The following HS3ST5 variants were observed in gnomAD, a reference collection of about 807,000 sequenced individuals.
HS3ST5 encodes heparan sulfate glucosamine 3-O-sulfotransferase 5.
A neutral mutation model predicts 25.4 loss-of-function variants in HS3ST5; 10 were observed. That is an observed-to-expected ratio of 0.39 (90% CI 0.24 to 0.67). HS3ST5 has a LOEUF of 0.67. HS3ST5 is among the 30% of genes least tolerant of loss of function. The pLI is 0.44. For missense variants in HS3ST5, 324 were observed against 420.7 expected (o/e 0.77, Z 2.01); for synonymous variants, 170 against 162.4 (o/e 1.05, Z -0.36).
At chr6:114,285,493 T>A (rs1370070237) in intron 1 of HS3ST5, among the ~76,000 whole-genome samples, 1 of 152,062 alleles carries the variant, frequency 6.6e-6, no homozygotes, top group Non-Finnish European at 1.5e-5. Flanking sequence ...CTATGCAGCC[T>A]TAAAAATGAA....
intron 1 of HS3ST5, among the ~76,000 whole-genome samples, chr6:114,287,917 T>C (rs1469156899): frequency 6.6e-6 from 1 of 152,118 alleles, no homozygotes; most frequent in Non-Finnish European, 1.5e-5. Flanking sequence ...TCTTATCTTC[T>C]ACCACCTAGA....
chr6:114,194,201 G>C (rs1195445332), intron 2 of HS3ST5, among the ~76,000 whole-genome samples: 2 of 151,914 alleles, frequency 1.3e-5, no homozygotes, highest in East Asian at 3.8e-4. Flanking sequence ...GACTAAATCT[G>C]GGCATTTGGA....
intron 1 of HS3ST5, among the ~76,000 whole-genome samples, chr6:114,311,437 A>G (rs1775526335): frequency 6.6e-6 from 1 of 152,140 alleles, no homozygotes; most frequent in Non-Finnish European, 1.5e-5. Context: ...AACTTTTACA[A>G]ACAAACATAT....
chr6:114,195,582 A>C (rs1353133646), intron 2 of HS3ST5, among the ~76,000 whole-genome samples: 1 of 152,218 alleles, frequency 6.6e-6, no homozygotes, highest in African/African-American at 2.4e-5. Flanking sequence ...CTGTGGGCTC[A>C]TGGCCTCTGG....
chr6:114,284,760 A>C (rs914707581), intron 1 of HS3ST5, among the ~76,000 whole-genome samples: 6 of 151,994 alleles, frequency 3.9e-5, no homozygotes, highest in African/African-American at 1.4e-4. Flanking sequence ...GCTCCTTATA[A>C]CACACACATG....
At position 114,313,924 on chromosome 6, in the gene HS3ST5, TTTTGTTTG is replaced by T. The variant is rs142229669; in HGVS notation, c.-339+28263_-339+28270del. ...ACTAGATTGTTGGATCTAACCCCCA[TTTTGTTTG>T]TTTGTTTGTTTAAGACAGAGTCTCA... On this transcript the variant is annotated intron_variant, in intron 1 of 4. Transcript: ENST00000312719. Among the ~76,000 whole-genome samples the T allele has an allele frequency of 1.3e-4, 20 of 151,696 alleles. No individual in the cohort carries two copies. The South Asian group carries it at 4.0e-3, about 30-fold the overall frequency.
chr6:114,079,896 C>T (rs1156426429), intron 3 of HS3ST5, among the ~76,000 whole-genome samples: 1 of 152,164 alleles, frequency 6.6e-6, no homozygotes, highest in East Asian at 1.9e-4. Flanking sequence ...CTGCCTTAGC[C>T]TCCCAAATTC....
chr6:114,216,040 C>G (rs140623388), intron 2 of HS3ST5, among the ~76,000 whole-genome samples: 1 of 152,160 alleles, frequency 6.6e-6, no homozygotes, highest in African/African-American at 2.4e-5. Context: ...GACAATTGAA[C>G]TGGTATCTAT....
intron 3 of HS3ST5, among the ~76,000 whole-genome samples, chr6:114,139,737 G>C (rs1777813911): frequency 6.6e-6 from 1 of 152,166 alleles, no homozygotes; most frequent in Non-Finnish European, 1.5e-5. Context: ...TCAACTTGTG[G>C]AGCAGTATGT....
chr6:114,333,297 T>C (rs1582822928), intron 1 of HS3ST5, among the ~76,000 whole-genome samples: 1 of 152,182 alleles, frequency 6.6e-6, no homozygotes, highest in East Asian at 1.9e-4. Flanking sequence ...AAACTATTCT[T>C]AGTTTCTCAC....
intron 1 of HS3ST5, among the ~76,000 whole-genome samples, chr6:114,234,880 G>T (rs938286194): frequency 1.1e-4 from 16 of 152,034 alleles, no homozygotes; most frequent in African/African-American, 3.9e-4. Flanking sequence ...CAGGTGGGGT[G>T]GCTAAACTGA....
intron 1 of HS3ST5, among the ~76,000 whole-genome samples, chr6:114,255,473 C>T (rs1436986412): frequency 1.3e-5 from 2 of 152,140 alleles, no homozygotes; most frequent in Non-Finnish European, 2.9e-5. Context: ...GATGGTGGCC[C>T]TCTTCTCACA....
chr6:114,313,023 C>CAAA (rs1349214316), intron 1 of HS3ST5, among the ~76,000 whole-genome samples: 3 of 13,284 alleles, frequency 2.3e-4, no homozygotes, highest in African/African-American at 3.6e-4. Context: ...GACCCTGCAT[C>CAAA]AGAAAAAAAA....
intron 1 of HS3ST5, among the ~76,000 whole-genome samples, chr6:114,296,781 A>C (rs1774841971): frequency 6.6e-6 from 1 of 152,328 alleles, no homozygotes; most frequent in African/African-American, 2.4e-5. Context: ...CGACAAGACA[A>C]TGTAAATGAA....
At chr6:114,236,419 C>A (rs142658078) in intron 1 of HS3ST5, among the ~76,000 whole-genome samples, 218 of 152,278 alleles carry the variant, frequency 1.4e-3, no homozygotes, top group Middle Eastern at 6.8e-3. Flanking sequence ...CACAGAATAT[C>A]CTCATACTTA....
intron 1 of HS3ST5, among the ~76,000 whole-genome samples, chr6:114,249,300 T>C (rs1181082868): frequency 2.0e-5 from 3 of 152,248 alleles, no homozygotes; most frequent in East Asian, 3.8e-4. Flanking sequence ...CGATTTACCA[T>C]TTATTACTTG....
chr6:114,136,819 T>C (rs977508642), intron 3 of HS3ST5, among the ~76,000 whole-genome samples: 1 of 152,184 alleles, frequency 6.6e-6, no homozygotes, highest in Admixed American at 6.5e-5. Flanking sequence ...GACATTTTCA[T>C]GGAGTAAGGC....
intron 2 of HS3ST5, among the ~76,000 whole-genome samples, chr6:114,222,853 T>C (rs756856361): frequency 7.2e-5 from 11 of 151,846 alleles, no homozygotes; most frequent in Non-Finnish European, 1.5e-4. Flanking sequence ...TGACCTACTC[T>C]GTAGTAATGT....
chr6:114,183,523 C>A (rs748444834), intron 2 of HS3ST5, among the ~76,000 whole-genome samples: 2 of 152,180 alleles, frequency 1.3e-5, no homozygotes, highest in Non-Finnish European at 2.9e-5. Flanking sequence ...GCCAATTCCT[C>A]ATTTTATATA....
Sources: allele counts gnomAD v4.1 joint callset (sites outside exome capture counted in the v4.1 genomes callset), GRCh38; gene constraint gnomAD v4.1.1; transcripts MANE v1.5; gene names NCBI Gene and HGNC (gene_info 2026-07-23, HGNC 2026-07-21).